The following SH3KBP1 variants were observed in gnomAD, a reference collection of about 807,000 sequenced individuals.
The protein encoded by SH3KBP1 is SH3 domain containing kinase binding protein 1, also known as SH3 domain-containing kinase-binding protein 1.
Under a neutral mutation model 50.1 loss-of-function variants are expected in SH3KBP1, and 8 were observed. The observed-to-expected ratio is 0.16, with a 90% CI of 0.09 to 0.29. SH3KBP1 has a LOEUF of 0.29. Ranked by LOEUF, SH3KBP1 falls within the 10% of genes least tolerant of loss-of-function variation. The pLI is 1.00. For synonymous variants in SH3KBP1, 227 were observed against 218.6 expected (o/e 1.04, Z -0.34); for missense variants, 377 against 535.2 (o/e 0.70, Z 2.92).
intron 13 of SH3KBP1, among the ~76,000 whole-genome samples, chrX:19,566,985 T>C (rs989254972): frequency 9.0e-6 from 1 of 110,837 alleles, no homozygotes; most frequent in Middle Eastern, 4.6e-3. Flanking sequence ...AGAGCTCTAG[T>C]GCTCTTACAA....
intron 1 of SH3KBP1, among the ~76,000 whole-genome samples, chrX:19,873,955 G>A (rs2069147910): frequency 1.0e-5 from 1 of 100,502 alleles, no homozygotes; most frequent in African/African-American, 3.8e-5. Flanking sequence ...AGGCTGAGGC[G>A]GGGGGATCCC....
At chrX:19,614,595 A>G (rs1424864407) in intron 8 of SH3KBP1, among the ~76,000 whole-genome samples, 1 of 112,018 alleles carries the variant, frequency 8.9e-6, no homozygotes, top group Non-Finnish European at 1.9e-5. Flanking sequence ...GGGCACAGGA[A>G]ATCAGTGCTT....
chrX:19,748,418 A>G (rs779349081), intron 2 of SH3KBP1, among the ~76,000 whole-genome samples: 9 of 111,326 alleles, frequency 8.1e-5, no homozygotes, highest in South Asian at 3.8e-4. Context: ...CTACTCCCCA[A>G]TGCTTCAGAG....
At chrX:19,817,642 T>G (rs920402115) in intron 2 of SH3KBP1, among the ~76,000 whole-genome samples, 1 of 111,790 alleles carries the variant, frequency 8.9e-6, no homozygotes, top group African/African-American at 3.3e-5. Flanking sequence ...TATGGTTTTG[T>G]TTTTGTTTTT....
chrX:19,873,286 A>ACGTATATATATATATATATATATACG (rs200576869), intron 1 of SH3KBP1, among the ~76,000 whole-genome samples: 31 of 91,828 alleles, frequency 3.4e-4, no homozygotes, highest in African/African-American at 1.5e-3. Flanking sequence ...ATATATATAT[A>ACGTATATATATATATATATATATACG]TATGTATATA....
intron 2 of SH3KBP1, among the ~76,000 whole-genome samples, chrX:19,825,782 G>C (rs1468410914): frequency 4.5e-5 from 5 of 111,647 alleles, no homozygotes; most frequent in Non-Finnish European, 9.4e-5. Flanking sequence ...GCTGAGGCAC[G>C]AGAGCTGTTT....
intron 2 of SH3KBP1, among the ~76,000 whole-genome samples, chrX:19,770,891 C>T (rs1183581010): frequency 1.8e-5 from 2 of 111,089 alleles, no homozygotes; most frequent in Non-Finnish European, 3.8e-5. Context: ...TTTTTAATGG[C>T]TTTTCTTGTA....
intron 1 of SH3KBP1, among the ~76,000 whole-genome samples, chrX:19,855,808 C>T (rs1252825929): frequency 1.8e-5 from 2 of 112,027 alleles, no homozygotes; most frequent in Admixed American, 9.5e-5. Context: ...TCACTGACAC[C>T]GCAAACATTA....
At chrX:19,636,144 G>T (rs1463735774) in intron 7 of SH3KBP1, among the ~76,000 whole-genome samples, 19 of 108,171 alleles carry the variant, frequency 1.8e-4, no homozygotes, top group East Asian at 2.9e-4. Flanking sequence ...CACACACATA[G>T]AGAGAGAGAG....
chrX:19,844,802 G>A (rs1428764009), intron 1 of SH3KBP1, among the ~76,000 whole-genome samples: 7 of 112,433 alleles, frequency 6.2e-5, no homozygotes, highest in African/African-American at 2.3e-4. Flanking sequence ...ATTAGAGGCC[G>A]GGCGCAGTGG....
intron 13 of SH3KBP1, among the ~76,000 whole-genome samples, chrX:19,568,547 G>A (rs1602499600): frequency 8.9e-6 from 1 of 112,018 alleles, no homozygotes; most frequent in South Asian, 3.7e-4. Context: ...GCACACCGGT[G>A]GCCTCACACC....
chrX:19,857,372 T>A (rs2068674212), intron 1 of SH3KBP1, among the ~76,000 whole-genome samples: 1 of 109,799 alleles, frequency 9.1e-6, no homozygotes, highest in Admixed American at 9.8e-5. Context: ...GTAAATCAAG[T>A]AGGGGAATGG....
chrX:19,735,765 C>T (rs1390187962), intron 3 of SH3KBP1, among the ~76,000 whole-genome samples: 1 of 101,302 alleles, frequency 9.9e-6, no homozygotes, highest in African/African-American at 3.7e-5. Flanking sequence ...GCTCAGTTGC[C>T]CAGGCTGGAG....
In SH3KBP1 at chrX:19,648,371, G is replaced by A. The variant is rs748848256; in HGVS notation, c.727-2896C>T. ...GGAGGGAAGGAAGGAAGGAAGGAGGGAAGGAGGGCAAGAGGGAGGAGGGAA... is the reference window on the plus strand; with the variant it reads ...GGAGGGAAGGAAGGAAGGAAGGAGGAAAGGAGGGCAAGAGGGAGGAGGGAA... On this transcript the variant is annotated intron_variant, in intron 6 of 17. Coordinates refer to ENST00000397821, the MANE Select transcript of SH3KBP1 (RefSeq NM_031892.3). Among the ~76,000 whole-genome samples the A allele has an allele frequency of 2.9e-5, 3 of 103,660 alleles. No homozygotes were observed. The East Asian group carries it at 9.1e-4, about 32-fold the overall frequency. 90.0% of individuals were successfully genotyped at this position (103,660 alleles called of 115,157 possible).
chrX:19,801,169 G>A (rs894068677), intron 2 of SH3KBP1, among the ~76,000 whole-genome samples: 10 of 111,793 alleles, frequency 8.9e-5, no homozygotes, highest in African/African-American at 2.0e-4. Flanking sequence ...TCCTACATAC[G>A]GGCTGTGAGC....
intron 2 of SH3KBP1, among the ~76,000 whole-genome samples, 196 bp from the exon 3 acceptor site, chrX:19,746,637 G>A (rs2064926976): frequency 8.9e-6 from 1 of 111,963 alleles, no homozygotes; most frequent in African/African-American, 3.3e-5. Context: ...GTCCTATAAA[G>A]TGGAATAAGC....
chrX:19,588,603 C>A (rs1322925881), intron 12 of SH3KBP1, 40 bp downstream of exon 12: 1 of 1,207,566 alleles, frequency 8.3e-7, no homozygotes, highest in Admixed American at 2.2e-5. Context: ...CCTTCCATAG[C>A]CACCCCACAC....
At chrX:19,839,239 C>T (rs370054754) in intron 1 of SH3KBP1, among the ~76,000 whole-genome samples, 5 of 109,028 alleles carry the variant, frequency 4.6e-5, no homozygotes, top group East Asian at 2.8e-4. Context: ...ATAATAACAG[C>T]GTAGGAGCTT....
chrX:19,684,176 T>C, intron 5 of SH3KBP1, 148 bp from the exon 6 acceptor site: 2 of 455,593 alleles, frequency 4.4e-6, no homozygotes, highest in South Asian at 3.5e-5. Flanking sequence ...GTATGTTGAG[T>C]AGTTTGACTG....
Sources: allele counts gnomAD v4.1 joint callset (sites outside exome capture counted in the v4.1 genomes callset), GRCh38; gene constraint gnomAD v4.1.1; transcripts MANE v1.5; gene names NCBI Gene and HGNC (gene_info 2026-07-23, HGNC 2026-07-21).